MROH2B: variants seen among roughly 807,000 people sequenced by gnomAD.
MROH2B encodes the protein maestro heat-like repeat-containing protein family member 2B.
MROH2B carries 177 observed loss-of-function variants against 208.6 expected under a neutral mutation model. The ratio of observed to expected loss-of-function variants is 0.85; its 90% CI spans 0.75 to 0.96. The LOEUF (loss-of-function observed/expected upper bound fraction) is 0.96. Ranked by LOEUF, MROH2B falls within the 40% of genes least tolerant of loss-of-function variation. The probability of loss-of-function intolerance (pLI) is 0.00; values close to 1 mark genes in which losing one functional copy is unlikely to be tolerated. For missense variants in MROH2B, 2,002 were observed against 1,878.7 expected, an observed-to-expected ratio of 1.07 and a Z score of -1.21; for synonymous variants, 728 against 659.0, an observed-to-expected ratio of 1.10 and a Z score of -1.60.
At chr5:41,006,523 G>A (rs1344143171) in intron 34 of MROH2B, among the ~76,000 whole-genome samples, 1 of 152,164 alleles carries the variant, frequency 6.6e-6, no homozygotes, top group Non-Finnish European at 1.5e-5. Flanking sequence ...ATACAAAAAA[G>A]ATACTTGCAC....
intron 33 of MROH2B, 129 bp downstream of exon 33, chr5:41,008,475 CTT>C: frequency 9.8e-7 from 1 of 1,018,534 alleles, no homozygotes; most frequent in South Asian, 1.8e-5. Flanking sequence ...AGAGTAGAGC[CTT>C]GTAGAGCCTT....
intron 24 of MROH2B, among the ~76,000 whole-genome samples, chr5:41,020,712 G>T (rs13174097): frequency 6.6e-6 from 1 of 151,950 alleles, no homozygotes; most frequent in Non-Finnish European, 1.5e-5. Context: ...CAACAATTAT[G>T]TTATAGAAAT....
chr5:41,009,825 C>T, intron 31 of MROH2B, 97 bp downstream of exon 31: 3 of 1,240,360 alleles, frequency 2.4e-6, no homozygotes. Flanking sequence ...TATTTTCAAC[C>T]TTTGTTTGCT....
At chr5:41,048,965 C>T in intron 15 of MROH2B, 136 bp downstream of exon 15, 1 of 771,398 alleles carries the variant, frequency 1.3e-6, no homozygotes, top group Admixed American at 2.9e-5. Context: ...ACTAGTATAG[C>T]AGAAAATTTA....
intron 1 of MROH2B, among the ~76,000 whole-genome samples, 152 bp downstream of exon 1, chr5:41,070,673 A>G (rs1028591885): frequency 6.6e-6 from 1 of 152,130 alleles, no homozygotes; most frequent in Non-Finnish European, 1.5e-5. Context: ...GCATGATTTT[A>G]TTATGTATTT....
At chr5:41,012,459 G>C (rs761558107) in intron 30 of MROH2B, 124 bp downstream of exon 30, 10 of 944,452 alleles carry the variant, frequency 1.1e-5, no homozygotes, top group African/African-American at 1.7e-5. Context: ...CTCTAATGAG[G>C]CCTCTTGAGG....
At position 41,032,756 on chromosome 5, in the gene MROH2B, G is replaced by A. The variant is rs115962858; in HGVS notation, c.2427C>T (p.Ala809=). 1,120 of 1,612,236 alleles carry A rather than the reference G, an allele frequency of 6.9e-4. 8 individuals are homozygous for A. In the African/African-American group the frequency reaches 0.014, roughly 20 times the overall value. Residue 809 remains alanine, a synonymous_variant, in exon 24 of 42, where the codon GCC becomes GCT. Coordinates refer to ENST00000399564, the MANE Select transcript of MROH2B (RefSeq NM_173489.5). The part of the protein sequence containing the change: ...ASPIRWKALI[A]IRYLSKLKPQ... ...AAATTATCTACCTGAGATACCTAAT[G>A]GCGATTAAGGCTTTCCACCGAATAG...
chr5:41,044,757 G>A (rs1743064992), intron 18 of MROH2B, among the ~76,000 whole-genome samples: 1 of 152,174 alleles, frequency 6.6e-6, no homozygotes, highest in Non-Finnish European at 1.5e-5. Context: ...GATTGATAAT[G>A]ATTACTTTGT....
chr5:41,012,662 A>C lies in MROH2B; in HGVS notation c.3056T>G (p.Leu1019Arg), dbSNP rs746848336. The change falls in exon 30 of 42, where the codon CTC becomes CGC. Residue 1019 changes from leucine (L) to arginine (R), a missense_variant. By Grantham distance (102) the Leu-to-Arg change is moderately radical. Coordinates refer to ENST00000399564, the MANE Select transcript of MROH2B (RefSeq NM_173489.5). ...LEEMLDGLES[L>R]NPTCTKACGI... ...ACAGGCCTTTGTACAAGTGGGGTTG[A>C]GGCTCTCCAGACCGTCCAGCATTTC... The C allele has an allele frequency of 8.1e-6, 13 of 1,613,920 alleles. No individual in the cohort carries two copies. The highest frequency in any genetic ancestry group is 1.1e-5 in the South Asian group (1 of 91,076).
At chr5:41,070,206 A>T (rs1302558381) in intron 1 of MROH2B, among the ~76,000 whole-genome samples, 1 of 152,016 alleles carries the variant, frequency 6.6e-6, no homozygotes, top group African/African-American at 2.4e-5. Flanking sequence ...AACTCCACCT[A>T]TTCTCCTGTG....
chr5:41,023,850 C>A (rs1183339322), intron 24 of MROH2B, among the ~76,000 whole-genome samples: 2 of 152,190 alleles, frequency 1.3e-5, no homozygotes, highest in African/African-American at 4.8e-5. Flanking sequence ...AGAAACTCTA[C>A]AAGCCAGAAG....
At chr5:41,053,551 G>A (rs868026783) in intron 11 of MROH2B, among the ~76,000 whole-genome samples, 1 of 152,134 alleles carries the variant, frequency 6.6e-6, no homozygotes, top group Non-Finnish European at 1.5e-5. Flanking sequence ...TGAAAAGAGA[G>A]CGGGAAGAAA....
chr5:41,038,079 A>AG (rs2150169758), intron 21 of MROH2B, among the ~76,000 whole-genome samples: 1 of 152,242 alleles, frequency 6.6e-6, no homozygotes, highest in East Asian at 1.9e-4. Context: ...ATGAATGTGG[A>AG]GGGGGAAACA....
At position 41,048,403 on chromosome 5, in the gene MROH2B, C is replaced by T. The variant is rs777105495; in HGVS notation, c.1605G>A (p.Lys535=). ...TTGGGTGAATTATCTCAGGCAGTATCTTCAAAAGCCCTATTGCACCAGCCC... is the reference window on the plus strand; with the variant it reads ...TTGGGTGAATTATCTCAGGCAGTATTTTCAAAAGCCCTATTGCACCAGCCC... ...LRGAGAIGLL[K]ILPEIIHPKL... is the part of the protein sequence containing the mutation. Residue 535 remains lysine (K), a synonymous_variant, in exon 16 of 42, where the codon AAG becomes AAA. Transcript: ENST00000399564. 8.1e-6 allele frequency: 13 copies of T among 1,613,592 alleles called. No individual in the cohort carries two copies. The South Asian group carries it at 1.4e-4, about 18-fold the overall frequency.
chr5:41,021,090 C>A (rs575379202), intron 24 of MROH2B, among the ~76,000 whole-genome samples: 118 of 152,274 alleles, frequency 7.7e-4, no homozygotes, highest in Non-Finnish European at 1.5e-3. Flanking sequence ...ATGAATTCAG[C>A]AAAGTTGTGA....
intron 33 of MROH2B, 100 bp downstream of exon 33, chr5:41,008,506 G>T: frequency 7.5e-7 from 1 of 1,339,412 alleles, no homozygotes; most frequent in Non-Finnish European, 1.0e-6. Flanking sequence ...ATGGACAATG[G>T]ATGCTATGAC....
Position 41,054,766 on chromosome 5 carries a change from CTTTT to C in MROH2B, c.1104_1107del (p.Lys369Ter). ...ACAAGAGTTTCTATTAATTCTCTTA[CTTTT>C]GTACTGAGATCACCCATGACGATTT... On this transcript the variant is annotated frameshift_variant and splice_region_variant, in exon 11 of 42. Transcript: ENST00000399564. LOFTEE classifies it high-confidence loss of function. 1 of 1,602,682 alleles carries C rather than the reference CTTTT, an allele frequency of 6.2e-7. No individual in the cohort carries two copies. The highest frequency in any genetic ancestry group is 1.1e-5 in the South Asian group (1 of 88,900).
At chr5:41,038,678 C>T in intron 21 of MROH2B, 58 bp downstream of exon 21, 2 of 1,525,320 alleles carry the variant, frequency 1.3e-6, no homozygotes, top group Non-Finnish European at 1.8e-6. Context: ...GGACTGAGCC[C>T]CTGCAAGTTT....
At chr5:41,005,423 C>CCT (rs1561274084) in intron 35 of MROH2B, 108 bp downstream of exon 35, 5 of 242,600 alleles carry the variant, frequency 2.1e-5, no homozygotes, top group Admixed American at 5.6e-5. Flanking sequence ...ACCCCCCCCC[C>CCT]CCTTGAAGTC....
Sources: allele counts gnomAD v4.1 joint callset (sites outside exome capture counted in the v4.1 genomes callset), GRCh38; gene constraint gnomAD v4.1.1; transcripts MANE v1.5; gene names NCBI Gene and HGNC (gene_info 2026-07-23, HGNC 2026-07-21).